The following RBFOX1 variants were observed in gnomAD, a reference collection of about 807,000 sequenced individuals.
RBFOX1 encodes RNA binding protein fox-1 homolog 1.
A neutral mutation model predicts 57.7 loss-of-function variants in RBFOX1; 8 were observed. That is an observed-to-expected ratio of 0.14 (90% CI 0.08 to 0.25). The LOEUF is 0.25. Among genes scored for constraint, RBFOX1 ranks in the 10% least tolerant of loss-of-function variants. The pLI is 1.00. For synonymous variants in RBFOX1, 326 were observed against 222.4 expected, an observed-to-expected ratio of 1.47 and a Z score of -4.15; for missense variants, 611 against 548.5, an observed-to-expected ratio of 1.11 and a Z score of -1.14.
At chr16:6,846,006 A>G (rs1429740981) in intron 3 of RBFOX1, among the ~76,000 whole-genome samples, 1 of 152,204 alleles carries the variant, frequency 6.6e-6, no homozygotes, top group Admixed American at 6.5e-5. Context: ...TGTAAAATGA[A>G]CCTGTGCATC....
At chr16:7,042,404 A>AGGG (rs775660108) in intron 3 of RBFOX1, among the ~76,000 whole-genome samples, 1 of 152,144 alleles carries the variant, frequency 6.6e-6, no homozygotes, top group Non-Finnish European at 1.5e-5. Flanking sequence ...TTCCCTCTTG[A>AGGG]ATATTTCCTA....
intron 3 of RBFOX1, among the ~76,000 whole-genome samples, chr16:6,834,521 T>C (rs2092945275): frequency 6.6e-6 from 1 of 151,982 alleles, no homozygotes; most frequent in African/African-American, 2.4e-5. Context: ...AATGAATGAA[T>C]GAATGAATCA....
At chr16:6,180,145 G>A (rs546399527) in intron 1 of RBFOX1, among the ~76,000 whole-genome samples, 1 of 152,252 alleles carries the variant, frequency 6.6e-6, no homozygotes, top group African/African-American at 2.4e-5. Flanking sequence ...GATAACAGTA[G>A]TCTCAGATTT....
At chr16:7,677,858 G>A (rs1272821572) in intron 14 of RBFOX1, among the ~76,000 whole-genome samples, 1 of 152,198 alleles carries the variant, frequency 6.6e-6, no homozygotes, top group Admixed American at 6.5e-5. Context: ...TGAATGGGAA[G>A]CGTCAGCAGC....
At chr16:7,478,574 A>T (rs1405174992) in intron 4 of RBFOX1, among the ~76,000 whole-genome samples, 2 of 152,196 alleles carry the variant, frequency 1.3e-5, no homozygotes, top group Non-Finnish European at 2.9e-5. Context: ...GCATTGGCAC[A>T]CCTCACAGTG....
chr16:6,663,562 C>T, intron 3 of RBFOX1, among the ~76,000 whole-genome samples: 1 of 151,936 alleles, frequency 6.6e-6, no homozygotes, highest in South Asian at 2.1e-4. Flanking sequence ...GAAGGAGTTT[C>T]CCTTCAAAGA....
intron 3 of RBFOX1, chr16:6,749,109 A>C (rs992724812): frequency 2.6e-5 from 4 of 152,318 alleles, no homozygotes; most frequent in Non-Finnish European, 5.9e-5. Flanking sequence ...TTGGAAACCA[A>C]CATTCACTGA....
chr16:7,456,585 T>C (rs2058556541), intron 4 of RBFOX1, among the ~76,000 whole-genome samples: 1 of 152,154 alleles, frequency 6.6e-6, no homozygotes, highest in Admixed American at 6.5e-5. Context: ...TTCAAATTGA[T>C]TTTAAGAGTT....
intron 4 of RBFOX1, among the ~76,000 whole-genome samples, chr16:7,369,149 G>T (rs539161228): frequency 1.3e-5 from 2 of 152,144 alleles, no homozygotes. Flanking sequence ...CCACTCCGGT[G>T]GGACCCACAG....
At chr16:6,437,190 G>C (rs1164614773) in intron 2 of RBFOX1, among the ~76,000 whole-genome samples, 1 of 152,212 alleles carries the variant, frequency 6.6e-6, no homozygotes, top group East Asian at 1.9e-4. Flanking sequence ...CGAAGGGGCT[G>C]TTTTTACTGT....
At chr16:6,188,074 G>C (rs1486062652) in intron 1 of RBFOX1, among the ~76,000 whole-genome samples, 1 of 149,258 alleles carries the variant, frequency 6.7e-6, no homozygotes, top group Non-Finnish European at 1.5e-5. Context: ...CCAAAATTCT[G>C]GCTTTGTGGG....
intron 4 of RBFOX1, among the ~76,000 whole-genome samples, chr16:5,986,954 T>G (rs1429399314): frequency 3.3e-5 from 5 of 152,240 alleles, no homozygotes; most frequent in Non-Finnish European, 7.3e-5. Flanking sequence ...GATACACTGT[T>G]TCCTAGAGTG....
chr16:5,295,215 C>T (rs1042263143), intron 1 of RBFOX1, among the ~76,000 whole-genome samples: 30 of 152,166 alleles, frequency 2.0e-4, no homozygotes, highest in African/African-American at 6.7e-4. Context: ...CACAGCCTGG[C>T]ATAACTGTCT....
At chr16:7,450,028 G>C (rs1598707221) in intron 4 of RBFOX1, among the ~76,000 whole-genome samples, 1 of 152,162 alleles carries the variant, frequency 6.6e-6, no homozygotes, top group Non-Finnish European at 1.5e-5. Context: ...CCTTGTGGCA[G>C]CTTTTCTGGG....
chr16:7,230,679 T>C (rs941882317), intron 4 of RBFOX1, among the ~76,000 whole-genome samples: 3 of 152,172 alleles, frequency 2.0e-5, no homozygotes. Context: ...ATACTAAATA[T>C]AGAAGGGGAG....
chr16:7,479,240 C>T (rs1037024757), intron 4 of RBFOX1, among the ~76,000 whole-genome samples: 1 of 151,838 alleles, frequency 6.6e-6, no homozygotes, highest in Non-Finnish European at 1.5e-5. Context: ...TCTCCTGCCT[C>T]AGCCTCCCGA....
chr16:6,606,071 T>C (rs954774284), intron 2 of RBFOX1, among the ~76,000 whole-genome samples: 2 of 151,954 alleles, frequency 1.3e-5, no homozygotes, highest in African/African-American at 2.4e-5. Flanking sequence ...ATCACGCCCC[T>C]GCACTCTAGC....
intron 3 of RBFOX1, among the ~76,000 whole-genome samples, chr16:6,987,578 G>C (rs572663391): frequency 6.6e-6 from 1 of 151,650 alleles, no homozygotes; most frequent in Admixed American, 6.6e-5. Flanking sequence ...GGTGGGCACA[G>C]GTGCACAAAC....
chr16:6,109,713 G>A (rs1438734164), intron 1 of RBFOX1, among the ~76,000 whole-genome samples: 1 of 152,026 alleles, frequency 6.6e-6, no homozygotes, highest in East Asian at 1.9e-4. Flanking sequence ...ACTTGACTGG[G>A]GATAGTAGAA....
Sources: gnomAD v4.1 joint callset for allele counts (sites outside exome capture counted in the v4.1 genomes callset) on GRCh38, gnomAD v4.1.1 for gene constraint, MANE v1.5 for transcripts, NCBI Gene and HGNC (gene_info 2026-07-23, HGNC 2026-07-21) for gene names.